NAP1L1: variants seen among roughly 807,000 people sequenced by gnomAD.
The protein encoded by NAP1L1 is nucleosome assembly protein 1-like 1.
In NAP1L1, 9 loss-of-function variants were observed where a neutral mutation model predicts 58.9. The ratio of observed to expected loss-of-function variants is 0.15; its 90% CI spans 0.09 to 0.27. NAP1L1 has a LOEUF of 0.27. Ranked by LOEUF, NAP1L1 falls within the 10% of genes least tolerant of loss-of-function variation. The pLI is 1.00. For missense variants in NAP1L1, 302 were observed against 458.8 expected, an observed-to-expected ratio of 0.66 and a Z score of 3.12; for synonymous variants, 130 against 138.3, an observed-to-expected ratio of 0.94 and a Z score of 0.42.
intron 9 of NAP1L1, 63 bp from the exon 10 acceptor site, chr12:76,053,413 A>C: frequency 1.9e-6 from 3 of 1,546,822 alleles, no homozygotes; most frequent in Middle Eastern, 1.7e-4. Context: ...AAACTTTTAG[A>C]AGTAAATGTT....
At chr12:76,053,602 G>T (rs1239335526) in intron 9 of NAP1L1, among the ~76,000 whole-genome samples, 168 bp downstream of exon 9, 1 of 152,106 alleles carries the variant, frequency 6.6e-6, no homozygotes, top group Non-Finnish European at 1.5e-5. Flanking sequence ...GACAGTCATG[G>T]GTCCAAGGAG....
Position 76,059,778 on chromosome 12 carries a change from A to G in NAP1L1, c.429+20T>C. On this transcript the variant is annotated intron_variant, in intron 6 of 14. Transcript: ENST00000618691. Reference sequence around the variant, plus strand: ...GATTTTATCATCTTAAAAACATACCAAAATAAAGTTGGTACTAACCGAAAT... The same window carrying G: ...GATTTTATCATCTTAAAAACATACCGAAATAAAGTTGGTACTAACCGAAAT... The G allele has an allele frequency of 5.9e-6, 9 of 1,535,256 alleles. No homozygotes were observed. Among genetic ancestry groups the G allele is most frequent in the Non-Finnish European group, 8.0e-6 (9 of 1,120,290 alleles).
At position 76,047,363 on chromosome 12, in the gene NAP1L1, G is replaced by T. The variant is rs1418037192; in HGVS notation, c.*1066C>A. 3.9e-5 allele frequency: 4 copies of T among 101,778 alleles called. No homozygotes were observed. Among genetic ancestry groups the T allele is most frequent in the Admixed American group, 1.1e-4 (1 of 8,884 alleles). The allele number at this position is 101,778 out of a possible 1,614,324, so 6.3% of individuals were successfully genotyped here. A position where few individuals can be genotyped will look rare whatever the true frequency, so the allele number is the denominator to read the frequency against. The stretch of plus-strand genomic sequence containing the variant: ...GCCTTCTCTCTAGCTCTAACCCAAA[G>T]AAAATGAATTTTTTTTTTTTTTTTT... On this transcript the variant is annotated 3_prime_UTR_variant, in exon 15 of 15. Coordinates refer to ENST00000618691, the MANE Select transcript of NAP1L1 (RefSeq NM_004537.7).
In NAP1L1 at chr12:76,053,847, C is replaced by G; in HGVS notation, c.693G>C (p.Lys231Asn). Residue 231 changes from lysine to asparagine, a missense_variant, in exon 9 of 15, where the codon AAG (lysine) becomes AAC (asparagine). By Grantham distance (94) the Lys-to-Asn change is moderately conservative. Transcript: ENST00000618691. Reference sequence around the variant, plus strand: ...CTGGTTCTGACCTCATCCTGTATGTCTTTGTCAGCACTTCATTTGTAAAAT... The same window carrying G: ...CTGGTTCTGACCTCATCCTGTATGTGTTTGTCAGCACTTCATTTGTAAAAT... ...NEYFTNEVLT[K>N]TYRMRSEPDD... 1 of 1,593,184 alleles carries G rather than the reference C, an allele frequency of 6.3e-7. No homozygotes were observed. Among genetic ancestry groups the G allele is most frequent in the Non-Finnish European group, 8.5e-7 (1 of 1,174,912 alleles).
intron 3 of NAP1L1, 173 bp from the exon 4 acceptor site, chr12:76,067,646 A>G (rs895728031): frequency 4.0e-6 from 2 of 494,404 alleles, no homozygotes; most frequent in Admixed American, 6.1e-5. Context: ...GGAAAACCCA[A>G]TGTTCAGGAA....
chr12:76,038,115 TTA>T lies in NAP1L1; in HGVS notation c.*10312_*10313del, dbSNP rs1180681223. Reference sequence around the variant, plus strand: ...ATGAAGGAGGCTGAGAGAACCAGTATTATGTTGTCACAAAACTGCAATCACTC... The same window carrying T: ...ATGAAGGAGGCTGAGAGAACCAGTATTGTTGTCACAAAACTGCAATCACTC... On this transcript the variant is annotated 3_prime_UTR_variant, in exon 15 of 15. Transcript: ENST00000618691. 1 of 152,172 alleles carries T rather than the reference TTA, an allele frequency of 6.6e-6. No individual in the cohort carries two copies. The highest frequency in any genetic ancestry group is 1.5e-5 in the Non-Finnish European group (1 of 68,028). 9.4% of individuals were successfully genotyped at this position (152,172 alleles called of 1,614,324 possible).
At chr12:76,084,266 T>C (rs1439901529) in intron 1 of NAP1L1, among the ~76,000 whole-genome samples, 2 of 152,006 alleles carry the variant, frequency 1.3e-5, no homozygotes, top group Non-Finnish European at 2.9e-5. Flanking sequence ...GCGGCCTCGC[T>C]CCGGTCCACG....
rs894147371 is a variant in NAP1L1, at chr12:76,059,710, T to G, written c.429+88A>C. The stretch of plus-strand genomic sequence containing the variant: ...AAAAAATACAACTGGTTATATAATA[T>G]TGTACTCCATCATTAAATGCTAACA... On this transcript the variant is annotated intron_variant, in intron 6 of 14. Coordinates refer to ENST00000618691, the MANE Select transcript of NAP1L1 (RefSeq NM_004537.7). 6.7e-6 allele frequency: 6 copies of G among 889,098 alleles called. No individual in the cohort carries two copies. In the African/African-American group the frequency reaches 1.0e-4, roughly 15 times the overall value. The allele number at this position is 889,098 out of a possible 1,614,324, so 55.1% of individuals were successfully genotyped here.
chr12:76,077,997 A>G lies in NAP1L1; in HGVS notation c.-20-3758T>C, dbSNP rs1219281567. On this transcript the variant is annotated intron_variant, in intron 1 of 14. Coordinates refer to ENST00000618691, the MANE Select transcript of NAP1L1 (RefSeq NM_004537.7). ...CCCTGTCTCAAAAAAAAAAAAAAAA[A>G]AAAAGGAAAAGAATTAAAAGTACAG... is the stretch of plus-strand genomic sequence containing the variant. Among the ~76,000 whole-genome samples the G allele has an allele frequency of 8.1e-4, 122 of 150,850 alleles. 4 individuals are homozygous for G. Among genetic ancestry groups the G allele is most frequent in the African/African-American group, 2.8e-3 (113 of 40,880 alleles).
chr12:76,071,249 A>G (rs976148961), intron 2 of NAP1L1, among the ~76,000 whole-genome samples: 1 of 151,934 alleles, frequency 6.6e-6, no homozygotes, highest in African/African-American at 2.4e-5. Flanking sequence ...AGGTTTACTG[A>G]CTCTGGTTTT....
intron 2 of NAP1L1, chr12:76,073,730 C>T (rs1430239426): frequency 1.3e-5 from 2 of 152,880 alleles, no homozygotes; most frequent in African/African-American, 4.8e-5. Context: ...CAGGATAGCA[C>T]TTACATGTCT....
At chr12:76,050,707 A>G in intron 11 of NAP1L1, 54 bp from the exon 12 acceptor site, 1 of 1,565,494 alleles carries the variant, frequency 6.4e-7, no homozygotes, top group African/African-American at 1.4e-5. Context: ...GTGTTACTTA[A>G]TTTGGCACAT....
chr12:76,055,009 G>T lies in NAP1L1; in HGVS notation c.630+10C>A. 1 of 1,582,032 alleles carries T rather than the reference G, an allele frequency of 6.3e-7. No individual in the cohort carries two copies. Among genetic ancestry groups the T allele is most frequent in the Non-Finnish European group, 8.6e-7 (1 of 1,164,270 alleles). ...GTTACAAAATTATAAATATTTCAAA[G>T]TTCTTTTACCATAGGCTGGCCAGCA... On this transcript the variant is annotated intron_variant, in intron 8 of 14. Coordinates refer to ENST00000618691, the MANE Select transcript of NAP1L1 (RefSeq NM_004537.7).
At chr12:76,049,437 A>G in intron 13 of NAP1L1, 187 bp from the exon 14 acceptor site, 2 of 1,535,826 alleles carry the variant, frequency 1.3e-6, no homozygotes, top group Non-Finnish European at 1.7e-6. Flanking sequence ...AACTTGAGAC[A>G]TCCAGACAGC....
In NAP1L1 at chr12:76,048,329, G is replaced by A. The variant is rs1334566813; in HGVS notation, c.*100C>T. ...CTGTCCTTTAAAAAAAAATTACCTAGTCTACCAAGAAAATACAAAAACATA... is the reference window on the plus strand; with the variant it reads ...CTGTCCTTTAAAAAAAAATTACCTAATCTACCAAGAAAATACAAAAACATA... On this transcript the variant is annotated 3_prime_UTR_variant, in exon 15 of 15. Coordinates refer to ENST00000618691, the MANE Select transcript of NAP1L1 (RefSeq NM_004537.7). 2 of 1,377,280 alleles carry A rather than the reference G, an allele frequency of 1.5e-6. No individual in the cohort carries two copies. Among genetic ancestry groups the A allele is most frequent in the African/African-American group, 2.9e-5 (2 of 68,786 alleles). 85.3% of individuals were successfully genotyped at this position (1,377,280 alleles called of 1,614,324 possible).
chr12:76,056,855 T>C (rs1051010151), intron 6 of NAP1L1: 6 of 307,714 alleles, frequency 1.9e-5, no homozygotes, highest in African/African-American at 1.3e-4. Context: ...TTACTAAAAG[T>C]ACAAAAAATT....
chr12:76,049,301 C>T (rs1346985053), intron 13 of NAP1L1, 51 bp from the exon 14 acceptor site: 3 of 1,611,838 alleles, frequency 1.9e-6, no homozygotes, highest in Non-Finnish European at 2.5e-6. Context: ...AGTAGGTAAA[C>T]TGGCTCATAA....
At chr12:76,068,172 C>T (rs936376607) in intron 3 of NAP1L1, among the ~76,000 whole-genome samples, 1 of 152,068 alleles carries the variant, frequency 6.6e-6, no homozygotes, top group Non-Finnish European at 1.5e-5. Flanking sequence ...GGTCAATTTA[C>T]TTCTGATAAT....
chr12:76,072,748 C>G (rs1315478693), intron 2 of NAP1L1, among the ~76,000 whole-genome samples: 1 of 152,130 alleles, frequency 6.6e-6, no homozygotes, highest in Non-Finnish European at 1.5e-5. Context: ...CACAGCAACA[C>G]TGGAAGCAAG....
Sources: gnomAD v4.1 joint callset for allele counts (sites outside exome capture counted in the v4.1 genomes callset) on GRCh38, gnomAD v4.1.1 for gene constraint, MANE v1.5 for transcripts, NCBI Gene and HGNC (gene_info 2026-07-23, HGNC 2026-07-21) for gene names.